Variants in MTMR8 observed in about 807,000 individuals in gnomAD.
The protein encoded by MTMR8 is phosphatidylinositol-3,5-bisphosphate 3-phosphatase MTMR8.
MTMR8 carries 65 observed loss-of-function variants against 39.3 expected under a neutral mutation model. The observed-to-expected ratio is 1.65, with a 90% CI of 1.35 to 2.03. The LOEUF (loss-of-function observed/expected upper bound fraction) is 2.03. Ranked by LOEUF, MTMR8 falls within the 30% of genes most tolerant of loss-of-function variation. The probability of loss-of-function intolerance (pLI) is 0.00; values close to 1 mark genes in which losing one functional copy is unlikely to be tolerated. For synonymous variants in MTMR8, 245 were observed against 185.2 expected, an observed-to-expected ratio of 1.32 and a Z score of -2.62; for missense variants, 777 against 538.9, an observed-to-expected ratio of 1.44 and a Z score of -4.37.
At chrX:64,350,988 A>C (rs781389710) in intron 4 of MTMR8, among the ~76,000 whole-genome samples, 6 of 111,787 alleles carry the variant, frequency 5.4e-5, no homozygotes, top group Non-Finnish European at 9.4e-5. Context: ...TAAGATTAAG[A>C]ATGCTCTATG....
Position 64,337,367 on chromosome X carries a change from G to A in MTMR8, c.1002C>T (p.Val334=). The A allele has an allele frequency of 2.5e-6, 3 of 1,209,869 alleles. No homozygotes were observed. The highest frequency in any genetic ancestry group is 3.4e-6 in the Non-Finnish European group (3 of 894,651). The change falls in exon 9 of 14, where the codon GTC becomes GTT. Residue 334 remains valine (V), a synonymous_variant. Coordinates refer to ENST00000374852, the MANE Select transcript of MTMR8 (RefSeq NM_017677.4). Reference sequence around the variant, plus strand: ...CCCATCCATCAGAACAATGGACTAAGACACTGGCCTTTTCTACCTTCACTG... The same window carrying A: ...CCCATCCATCAGAACAATGGACTAAAACACTGGCCTTTTCTACCTTCACTG... ...TKAVKVEKAS[V]LVHCSDGWDR...
chrX:64,371,692 C>T (rs1924134464), intron 1 of MTMR8, among the ~76,000 whole-genome samples: 1 of 111,264 alleles, frequency 9.0e-6, no homozygotes, highest in African/African-American at 3.3e-5. Context: ...GAAGTTTATC[C>T]TCAGAAAATC....
At chrX:64,285,678 A>T (rs1007957285) in intron 12 of MTMR8, among the ~76,000 whole-genome samples, 2 of 112,159 alleles carry the variant, frequency 1.8e-5, no homozygotes, top group African/African-American at 6.5e-5. Flanking sequence ...AACTTACTCA[A>T]AACTGCTCAA....
At chrX:64,331,346 G>A (rs1446443432) in intron 11 of MTMR8, 1 of 414,213 alleles carries the variant, frequency 2.4e-6, no homozygotes, top group African/African-American at 2.5e-5. Context: ...TAAAAAGTAG[G>A]CATTATTATC....
chrX:64,281,038 G>A (rs1050538074), intron 12 of MTMR8, among the ~76,000 whole-genome samples: 2 of 111,129 alleles, frequency 1.8e-5, no homozygotes, highest in Non-Finnish European at 3.8e-5. Flanking sequence ...ACTGCTCAAG[G>A]AAATGAAAGA....
intron 1 of MTMR8, among the ~76,000 whole-genome samples, chrX:64,376,917 A>T (rs1924286585): frequency 2.7e-5 from 3 of 111,833 alleles, no homozygotes; most frequent in Non-Finnish European, 5.7e-5. Flanking sequence ...TGCCATACAC[A>T]GCCTCGGGAC....
intron 12 of MTMR8, among the ~76,000 whole-genome samples, chrX:64,287,406 T>C (rs1472873291): frequency 4.5e-5 from 5 of 111,442 alleles, no homozygotes; most frequent in Non-Finnish European, 7.5e-5. Context: ...AATTTATAGA[T>C]TCAATGCCAT....
chrX:64,301,711 T>C (rs1268459039), intron 12 of MTMR8, among the ~76,000 whole-genome samples: 1 of 111,420 alleles, frequency 9.0e-6, no homozygotes, highest in Non-Finnish European at 1.9e-5. Context: ...TGCGGTTTTA[T>C]CTACTTTTGG....
intron 12 of MTMR8, among the ~76,000 whole-genome samples, chrX:64,303,422 T>G (rs755946782): frequency 2.7e-5 from 3 of 112,507 alleles, no homozygotes; most frequent in Non-Finnish European, 5.6e-5. Flanking sequence ...AACAGAGTTA[T>G]GTTCACAAAA....
chrX:64,311,760 C>G (rs1293820200), intron 12 of MTMR8, among the ~76,000 whole-genome samples: 1 of 104,328 alleles, frequency 9.6e-6, no homozygotes, highest in Non-Finnish European at 1.9e-5. Context: ...GAATCCTTTC[C>G]CCATTGCTTT....
chrX:64,286,406 C>G (rs1348559312), intron 12 of MTMR8, among the ~76,000 whole-genome samples: 1 of 112,124 alleles, frequency 8.9e-6, no homozygotes, highest in Non-Finnish European at 1.9e-5. Flanking sequence ...GGTACCATTC[C>G]TTCTGAAACT....
At chrX:64,353,025 G>A (rs773057271) in intron 4 of MTMR8, among the ~76,000 whole-genome samples, 105 of 111,362 alleles carry the variant, frequency 9.4e-4, no homozygotes, top group African/African-American at 3.3e-3. Context: ...TTCTCCCCCT[G>A]CATAAATTAG....
intron 2 of MTMR8, 124 bp downstream of exon 2, chrX:64,359,281 T>C: frequency 1.5e-6 from 1 of 647,609 alleles, no homozygotes; most frequent in African/African-American, 2.3e-5. Context: ...TTAGAATAGG[T>C]CCTCTGAAGA....
At chrX:64,382,591 T>C (rs1924457140) in intron 1 of MTMR8, among the ~76,000 whole-genome samples, 1 of 111,296 alleles carries the variant, frequency 9.0e-6, no homozygotes, top group Admixed American at 9.6e-5. Flanking sequence ...TGAATACCCT[T>C]TCTTTCCTTC....
chrX:64,332,618 A>G (rs775578342), intron 10 of MTMR8, among the ~76,000 whole-genome samples: 3 of 111,506 alleles, frequency 2.7e-5, no homozygotes, highest in African/African-American at 9.8e-5. Flanking sequence ...TATTTAGCTT[A>G]TTTACCTTCT....
chrX:64,309,689 G>T (rs1205686513), intron 12 of MTMR8, among the ~76,000 whole-genome samples: 1 of 111,524 alleles, frequency 9.0e-6, no homozygotes, highest in Non-Finnish European at 1.9e-5. Flanking sequence ...GATAATGTAG[G>T]TTCAGTTCCA....
chrX:64,336,687 C>T (rs1923085467), intron 9 of MTMR8, among the ~76,000 whole-genome samples: 1 of 110,822 alleles, frequency 9.0e-6, no homozygotes, highest in African/African-American at 3.3e-5. Context: ...ATCCCAGCTA[C>T]TTGGGAGGCT....
Position 64,278,459 on chromosome X carries a change from G to GTTTTTTTTTTTTTTTTTTTTTTT in MTMR8, c.1482-7387_1482-7386insAAAAAAAAAAAAAAAAAAAAAAA, listed in dbSNP as rs1931928205. On this transcript the variant is annotated intron_variant, in intron 12 of 13. Transcript: ENST00000374852. ...TGATGTTGATGCTATTTATTTTGCT[G>GTTTTTTTTTTTTTTTTTTTTTTT]GTTTTTTTTTTTTTTTTTTTTTTTT... Among the ~76,000 whole-genome samples, 7 of 49,868 alleles carry GTTTTTTTTTTTTTTTTTTTTTTT rather than the reference G, an allele frequency of 1.4e-4. 2 individuals are homozygous for GTTTTTTTTTTTTTTTTTTTTTTT. The highest frequency in any genetic ancestry group is 8.0e-4 in the African/African-American group (7 of 8,741). The allele number at this position is 49,868 out of a possible 115,157, so 43.3% of individuals were successfully genotyped here. A position where few individuals can be genotyped will look rare whatever the true frequency, so the allele number is the denominator to read the frequency against.
intron 1 of MTMR8, among the ~76,000 whole-genome samples, chrX:64,380,369 T>C (rs1214402342): frequency 8.9e-6 from 1 of 112,682 alleles, no homozygotes; most frequent in Non-Finnish European, 1.9e-5. Flanking sequence ...AAACCAGTGG[T>C]ACTACCTGGG....
Sources: allele counts gnomAD v4.1 joint callset (sites outside exome capture counted in the v4.1 genomes callset), GRCh38; gene constraint gnomAD v4.1.1; transcripts MANE v1.5; gene names NCBI Gene and HGNC (gene_info 2026-07-23, HGNC 2026-07-21).